SETD1A: variants seen among roughly 807,000 people sequenced by gnomAD.
SETD1A encodes the protein histone-lysine N-methyltransferase SETD1A.
SETD1A carries 29 observed loss-of-function variants against 149.9 expected under a neutral mutation model. The ratio of observed to expected loss-of-function variants is 0.19; its 90% confidence interval spans 0.14 to 0.26. The LOEUF (loss-of-function observed/expected upper bound fraction) is 0.26. Ranked by LOEUF, SETD1A falls within the 10% of genes least tolerant of loss-of-function variation. The probability of loss-of-function intolerance (pLI) is 1.00; values close to 1 mark genes in which losing one functional copy is unlikely to be tolerated. For missense variants in SETD1A, 2,109 were observed against 2,353.1 expected, an observed-to-expected ratio of 0.90 and a Z score of 2.15; for synonymous variants, 1,141 against 968.5, an observed-to-expected ratio of 1.18 and a Z score of -3.31.
At position 30,963,553 on chromosome 16, in the gene SETD1A, C is replaced by A; in HGVS notation, c.638C>A (p.Thr213Lys). Residue 213 changes from threonine to lysine, a missense_variant and splice_region_variant, in exon 5 of 19, where the codon ACG becomes AAG. By Grantham distance (78) the Thr-to-Lys change is moderately conservative (BLOSUM62 -1). This residue lies in a region of SETD1A where 410 missense variants were observed against 394.8 expected (regional missense o/e 1.04). Coordinates refer to ENST00000262519, the MANE Select transcript of SETD1A (RefSeq NM_014712.3). ...CAAGGCTCGGGTGCAGCCACTGAGACGGTGAGAAGTTTGTGGCTACCACAG... is the reference window on the plus strand; with the variant it reads ...CAAGGCTCGGGTGCAGCCACTGAGAAGGTGAGAAGTTTGTGGCTACCACAG... ...KFQGSGAATE[T>K]AESRRRSSSD... 1.2e-6 allele frequency: 2 copies of A among 1,611,180 alleles called. No homozygotes were observed. The highest frequency in any genetic ancestry group is 1.1e-5 in the South Asian group (1 of 90,714).
In SETD1A at chr16:30,967,033, AG is replaced by A; in HGVS notation, c.2659del (p.Ala887ProfsTer9). The part of the protein sequence containing the change: ...EAFAFGSGLR[G>X]ALRLPSFKVK... ...CTTTCGCCTTTGGGTCAGGGCTGAGAGGGGCCCTGCGGCTGCCTTCATTCAA... is the reference window on the plus strand; with the variant it reads ...CTTTCGCCTTTGGGTCAGGGCTGAGAGGGCCCTGCGGCTGCCTTCATTCAA... On this transcript the variant is annotated frameshift_variant, in exon 9 of 19. Coordinates refer to ENST00000262519, the MANE Select transcript of SETD1A (RefSeq NM_014712.3). LOFTEE classifies it high-confidence loss of function. 6.6e-7 allele frequency: 1 copy of A among 1,522,382 alleles called. No individual in the cohort carries two copies. Among genetic ancestry groups the A allele is most frequent in the Non-Finnish European group, 8.9e-7 (1 of 1,125,100 alleles). The allele number at this position is 1,522,382 out of a possible 1,614,324, so 94.3% of individuals were successfully genotyped here.
chr16:30,959,209 G>A, intron 3 of SETD1A, 23 bp downstream of exon 3: 2 of 1,460,116 alleles, frequency 1.4e-6, no homozygotes, highest in African/African-American at 2.8e-5. Context: ...TGGGCTCCTG[G>A]TGTGGTAGTC....
chr16:30,965,859 G>A lies in SETD1A; in HGVS notation c.1978G>A (p.Val660Met), dbSNP rs1394107877. 1.7e-5 allele frequency: 27 copies of A among 1,604,494 alleles called. No homozygotes were observed. The highest frequency in any genetic ancestry group is 2.3e-5 in the Non-Finnish European group (27 of 1,175,282). ...ACCACCCCCGCACATCTATGACTTT[G>A]TGAACTCCTTGGAGCTCATGGACCG... The part of the protein sequence containing the change: ...PPPPPHIYDF[V>M]NSLELMDRLG... Residue 660 changes from valine to methionine, a missense_variant, in exon 8 of 19, where the codon GTG becomes ATG. Transcript: ENST00000262519.
At chr16:30,976,734 G>T (rs777334221) in intron 13 of SETD1A, among the ~76,000 whole-genome samples, 1 of 152,090 alleles carries the variant, frequency 6.6e-6, no homozygotes, top group South Asian at 2.1e-4. Flanking sequence ...GGAGCTGAGG[G>T]TGATTGAAGG....
intron 13 of SETD1A, among the ~76,000 whole-genome samples, chr16:30,973,948 G>A (rs1015630587): frequency 1.2e-4 from 19 of 152,164 alleles, no homozygotes; most frequent in African/African-American, 4.6e-4. Context: ...GGAAGGAGAG[G>A]GGCCTGACCA....
intron 3 of SETD1A, among the ~76,000 whole-genome samples, chr16:30,960,919 T>A (rs973070362): frequency 6.6e-6 from 1 of 151,746 alleles, no homozygotes; most frequent in East Asian, 1.9e-4. Context: ...TTTTTTGTAT[T>A]TTTAGTAGAG....
chr16:30,969,022 C>T (rs1037888206), intron 10 of SETD1A, among the ~76,000 whole-genome samples: 1 of 151,368 alleles, frequency 6.6e-6, no homozygotes, highest in Non-Finnish European at 1.5e-5. Flanking sequence ...GCAGGAGGAT[C>T]GCTTGAGCCC....
chr16:30,981,319 C>T (rs926033839), intron 17 of SETD1A, 139 bp downstream of exon 17: 16 of 1,094,266 alleles, frequency 1.5e-5, no homozygotes, highest in African/African-American at 9.3e-5. Flanking sequence ...AGCCTCCCTC[C>T]GGTGTGGTCA....
In SETD1A at chr16:30,967,066, CAG is replaced by C. The variant is rs772374831; in HGVS notation, c.2682+8_2682+9del. 1,597 of 1,567,402 alleles carry C rather than the reference CAG, an allele frequency of 1.0e-3. No individual in the cohort carries two copies. Among genetic ancestry groups the C allele is most frequent in the Non-Finnish European group, 1.3e-3 (1,530 of 1,157,028 alleles). On this transcript the variant is annotated splice_region_variant and intron_variant, in intron 9 of 18. Coordinates refer to ENST00000262519, the MANE Select transcript of SETD1A (RefSeq NM_014712.3). ...TGCGGCTGCCTTCATTCAAGGTACT[CAG>C]AACTGTCGTTTTGTGGGGTAGGGTG...
At chr16:30,962,846 GA>G (rs976029186) in intron 4 of SETD1A, among the ~76,000 whole-genome samples, 1 of 152,248 alleles carries the variant, frequency 6.6e-6, no homozygotes, top group African/African-American at 2.4e-5. Flanking sequence ...TCGAGAGGCT[GA>G]GGCATGAGAA....
Position 30,965,925 on chromosome 16 carries a change from A to C in SETD1A, c.2044A>C (p.Met682Leu). Residue 682 changes from methionine (M) to leucine (L), a missense_variant, in exon 8 of 19, where the codon ATG becomes CTG. Coordinates refer to ENST00000262519, the MANE Select transcript of SETD1A (RefSeq NM_014712.3). ...QWGGMPMSFQ[M>L]QTQMLTRLHQ... Reference sequence around the variant, plus strand: ...GGGAGGGATGCCCATGTCCTTCCAGATGCAGACCCAGATGTTAACTCGGCT... The same window carrying C: ...GGGAGGGATGCCCATGTCCTTCCAGCTGCAGACCCAGATGTTAACTCGGCT... The C allele has an allele frequency of 6.2e-7, 1 of 1,611,996 alleles. No homozygotes were observed. Among genetic ancestry groups the C allele is most frequent in the South Asian group, 1.1e-5 (1 of 90,800 alleles).
chr16:30,968,531 G>A (rs2056182278), intron 10 of SETD1A, among the ~76,000 whole-genome samples: 2 of 151,840 alleles, frequency 1.3e-5, no homozygotes, highest in South Asian at 4.1e-4. Context: ...GGCCAGGCAG[G>A]GTGGAGCTCA....
rs979992461 is a variant in SETD1A at position 30,959,324 on chromosome 16, G to C, written c.246+138G>C. The stretch of plus-strand genomic sequence containing the variant: ...GCAACCTCTGAGGCTGTGAGACTCA[G>C]TTGTTTTGGATAGGAGGTACACTTA... On this transcript the variant is annotated intron_variant, in intron 3 of 18. Transcript: ENST00000262519. The C allele has an allele frequency of 5.8e-6, 4 of 688,518 alleles. No individual in the cohort carries two copies. In the Admixed American group the frequency reaches 9.3e-5, roughly 16 times the overall value. 42.7% of individuals were successfully genotyped at this position (688,518 alleles called of 1,614,324 possible). A position where few individuals can be genotyped will look rare whatever the true frequency, so the allele number is the denominator to read the frequency against.
At position 30,957,934 on chromosome 16, in the gene SETD1A, G is replaced by C. The variant is rs1356832638; in HGVS notation, c.-46G>C. 6.6e-6 allele frequency: 1 copy of C among 152,422 alleles called. No individual in the cohort carries two copies. Among genetic ancestry groups the C allele is most frequent in the Non-Finnish European group, 1.5e-5 (1 of 68,064 alleles). 9.4% of individuals were successfully genotyped at this position (152,422 alleles called of 1,614,324 possible). A position where few individuals can be genotyped will look rare whatever the true frequency, so the allele number is the denominator to read the frequency against. ...CAGCGCCTGTGGCGAAAGTGCGAAT[G>C]CAGACCCTGTGCCCGCTGGGCCTCG... On this transcript the variant is annotated 5_prime_UTR_variant, in exon 1 of 19. It removes an upstream start codon present in the reference 5' UTR. Coordinates refer to ENST00000262519, the MANE Select transcript of SETD1A (RefSeq NM_014712.3).
chr16:30,979,993 C>T lies in SETD1A; in HGVS notation c.4207C>T (p.Pro1403Ser). The T allele has an allele frequency of 1.3e-6, 2 of 1,489,222 alleles. No homozygotes were observed. The highest frequency in any genetic ancestry group is 1.8e-6 in the Non-Finnish European group (2 of 1,124,048). 92.3% of individuals were successfully genotyped at this position (1,489,222 alleles called of 1,614,324 possible). Residue 1403 changes from proline (P) to serine (S), a missense_variant, in exon 14 of 19, where the codon CCT becomes TCT. Physicochemically the swap from Pro to Ser is moderately conservative, Grantham distance 74. Transcript: ENST00000262519. ...SLRSHARRRR[P>S]PPPPPPPPPR... ...CCGCTCCCACGCCCGGCGCCGCCGC[C>T]CTCCGCCCCCACCCCCGCCGCCACC...
At chr16:30,972,638 C>CAAA (rs34067658) in intron 13 of SETD1A, among the ~76,000 whole-genome samples, 1 of 118,948 alleles carries the variant, frequency 8.4e-6, no homozygotes, top group Non-Finnish European at 1.8e-5. Flanking sequence ...GACTCTGTCT[C>CAAA]AAAAAAAAAA....
chr16:30,959,480 A>G (rs531228643), intron 3 of SETD1A, among the ~76,000 whole-genome samples: 199 of 152,310 alleles, frequency 1.3e-3, no homozygotes, highest in African/African-American at 3.4e-3. Flanking sequence ...ACAGTGCATC[A>G]TAGCACACAA....
chr16:30,958,942 C>G (rs1479750682), intron 2 of SETD1A, 61 bp downstream of exon 2: 2 of 1,590,514 alleles, frequency 1.3e-6, no homozygotes, highest in Admixed American at 1.7e-5. Flanking sequence ...CTCTGTGATT[C>G]TGTTCAGCAC....
At chr16:30,982,581 G>A (rs757678350) in intron 17 of SETD1A, among the ~76,000 whole-genome samples, 94 of 152,110 alleles carry the variant, frequency 6.2e-4, no homozygotes, top group Non-Finnish European at 1.2e-3. Flanking sequence ...CAGACCGCAC[G>A]GGCTTGGGAG....
Sources: allele counts gnomAD v4.1 joint callset (sites outside exome capture counted in the v4.1 genomes callset), GRCh38; gene constraint gnomAD v4.1.1; regional missense constraint gnomAD v4.1.1; transcripts MANE v1.5; gene names NCBI Gene and HGNC (gene_info 2026-07-23, HGNC 2026-07-21).